ASCC3: variants seen among roughly 807,000 people sequenced by gnomAD.
ASCC3 encodes the protein ASC-1 complex subunit P200.
In ASCC3, 158 loss-of-function variants were observed where a neutral mutation model predicts 256.3. That is an observed-to-expected ratio of 0.62 (90% CI 0.54 to 0.70). The LOEUF (loss-of-function observed/expected upper bound fraction) is 0.70, where lower values mean the gene tolerates loss of function less well. ASCC3 is among the 30% of genes least tolerant of loss of function. The pLI is 0.00. For synonymous variants in ASCC3, 948 were observed against 883.4 expected, an observed-to-expected ratio of 1.07 and a Z score of -1.30; for missense variants, 2,259 against 2,626.0, an observed-to-expected ratio of 0.86 and a Z score of 3.05.
chr6:100,858,915 T>G (rs1167800597), intron 3 of ASCC3: 1 of 564,548 alleles, frequency 1.8e-6, no homozygotes, highest in Non-Finnish European at 3.2e-6. Context: ...TTGATTATTA[T>G]ATGCCTTTAA....
intron 30 of ASCC3, among the ~76,000 whole-genome samples, chr6:100,624,012 T>C (rs907316716): frequency 1.3e-5 from 2 of 151,806 alleles, no homozygotes; most frequent in Non-Finnish European, 1.5e-5. Flanking sequence ...ATATACCTAA[T>C]GTTAAATGAC....
At chr6:100,828,798 ATTGCAAAGAGCGAAAGAACAAAGCTTC>A in intron 4 of ASCC3, among the ~76,000 whole-genome samples, 1 of 152,054 alleles carries the variant, frequency 6.6e-6, no homozygotes, top group South Asian at 2.1e-4. Flanking sequence ...AGCAGGATTT[ATTGCAAAGAGCGAAAGAACAAAGCTTC>A]CACAGTGTGG....
chr6:100,821,453 A>T (rs1771038397), intron 4 of ASCC3, among the ~76,000 whole-genome samples: 1 of 152,222 alleles, frequency 6.6e-6, no homozygotes, highest in African/African-American at 2.4e-5. Flanking sequence ...ATAGAAACCC[A>T]AATGTTCATC....
intron 10 of ASCC3, among the ~76,000 whole-genome samples, chr6:100,760,064 A>C (rs1378705403): frequency 6.6e-6 from 1 of 152,050 alleles, no homozygotes; most frequent in Non-Finnish European, 1.5e-5. Context: ...CTGAGCTGAT[A>C]GTGTTTTCTA....
At position 100,579,290 on chromosome 6, in the gene ASCC3, GCTGT is replaced by G. The variant is rs1413715101; in HGVS notation, c.5550+10340_5550+10343del. ...GCAAATATTTTCTCCCATTCTGTAG[GCTGT>G]CTGTTTACTCTACTGATAGTTTGTT... On this transcript the variant is annotated intron_variant, in intron 36 of 41. Coordinates refer to ENST00000369162, the MANE Select transcript of ASCC3 (RefSeq NM_006828.4). 3.3e-5 allele frequency among the ~76,000 whole-genome samples: 5 copies of G among 151,652 alleles called. No homozygotes were observed. In the South Asian group the frequency reaches 8.3e-4, roughly 25 times the overall value.
At chr6:100,767,469 G>A in intron 8 of ASCC3, 124 bp from the exon 9 acceptor site, 2 of 992,744 alleles carry the variant, frequency 2.0e-6, no homozygotes, top group South Asian at 2.9e-5. Flanking sequence ...CTTTCACAAT[G>A]TGTCTTTTAT....
At chr6:100,680,980 G>C (rs1277276394) in intron 13 of ASCC3, among the ~76,000 whole-genome samples, 1 of 152,046 alleles carries the variant, frequency 6.6e-6, no homozygotes, top group Admixed American at 6.5e-5. Context: ...AATGAAAAGG[G>C]GAATGAGGTC....
intron 1 of ASCC3, among the ~76,000 whole-genome samples, chr6:100,880,253 G>C (rs954197746): frequency 6.6e-6 from 1 of 151,556 alleles, no homozygotes; most frequent in African/African-American, 2.4e-5. Context: ...AAAACCAAAA[G>C]CTTAATTCTC....
chr6:100,602,348 T>C (rs570910077), intron 33 of ASCC3, among the ~76,000 whole-genome samples: 1 of 152,176 alleles, frequency 6.6e-6, no homozygotes. Context: ...AGTAATAATT[T>C]GTTGAAAGCA....
At chr6:100,813,987 T>C (rs955115802) in intron 4 of ASCC3, among the ~76,000 whole-genome samples, 6 of 152,106 alleles carry the variant, frequency 3.9e-5, no homozygotes, top group Admixed American at 1.3e-4. Context: ...CTAAGTTGAA[T>C]AGGTGAGAGA....
intron 16 of ASCC3, among the ~76,000 whole-genome samples, chr6:100,656,510 C>A (rs1775922679): frequency 6.6e-6 from 1 of 151,412 alleles, no homozygotes; most frequent in Admixed American, 6.6e-5. Flanking sequence ...AATATTCATG[C>A]ATTTGAACCA....
rs182119962 is a variant in ASCC3 at position 100,837,225 on chromosome 6, C to T, written c.801+10923G>A. ...TGTTACCAAAAAGACAAAAAACAAA[C>T]GAACAAAAAACAACTGTTGGTGCAG... On this transcript the variant is annotated intron_variant, in intron 4 of 41. Transcript: ENST00000369162. Among the ~76,000 whole-genome samples, 435 of 151,952 alleles carry T rather than the reference C, an allele frequency of 2.9e-3. 1 individual carries two copies. Among genetic ancestry groups the T allele is most frequent in the Non-Finnish European group, 5.1e-3 (346 of 67,866 alleles).
intron 37 of ASCC3, chr6:100,530,307 A>C: frequency 7.0e-7 from 1 of 1,434,258 alleles, no homozygotes; most frequent in African/African-American, 1.4e-5. Context: ...CAGAAGGATA[A>C]AGTTTGTCAG....
At chr6:100,584,912 C>T (rs1425505060) in intron 36 of ASCC3, among the ~76,000 whole-genome samples, 3 of 152,194 alleles carry the variant, frequency 2.0e-5, no homozygotes, top group Non-Finnish European at 4.4e-5. Context: ...TTGGCCCCCA[C>T]TCTCTTCTAG....
intron 13 of ASCC3, among the ~76,000 whole-genome samples, chr6:100,710,020 A>G (rs1479292393): frequency 6.6e-6 from 1 of 152,196 alleles, no homozygotes; most frequent in African/African-American, 2.4e-5. Context: ...CCTGTATACT[A>G]AACCTTACTT....
intron 34 of ASCC3, among the ~76,000 whole-genome samples, chr6:100,590,976 A>C (rs1312509711): frequency 6.6e-6 from 1 of 152,164 alleles, no homozygotes; most frequent in African/African-American, 2.4e-5. Context: ...GCCCCATTAC[A>C]TAAAAATTAT....
intron 13 of ASCC3, among the ~76,000 whole-genome samples, chr6:100,687,550 A>G (rs1777640958): frequency 6.6e-6 from 1 of 152,044 alleles, no homozygotes; most frequent in South Asian, 2.1e-4. Context: ...AATTAAATAT[A>G]TAAATTATTT....
chr6:100,655,243 G>A (rs1022158794), intron 17 of ASCC3, among the ~76,000 whole-genome samples: 4 of 151,936 alleles, frequency 2.6e-5, no homozygotes, highest in African/African-American at 9.6e-5. Flanking sequence ...ACTGATTCCA[G>A]TCCTCAAACT....
chr6:100,539,157 C>T (rs2114660835), intron 37 of ASCC3, among the ~76,000 whole-genome samples: 1 of 152,250 alleles, frequency 6.6e-6, no homozygotes, highest in East Asian at 1.9e-4. Context: ...CCATACTAAC[C>T]TGCTCAAACC....
Sources: allele counts gnomAD v4.1 joint callset (sites outside exome capture counted in the v4.1 genomes callset), GRCh38; gene constraint gnomAD v4.1.1; transcripts MANE v1.5; gene names NCBI Gene and HGNC (gene_info 2026-07-23, HGNC 2026-07-21).